The following CRY1 variants were observed in gnomAD, a reference collection of about 807,000 sequenced individuals.
CRY1 encodes the protein cryptochrome circadian regulator 1.
Under a neutral mutation model 76.0 loss-of-function variants are expected in CRY1, and 45 were observed. The observed-to-expected ratio is 0.59, with a 90% confidence interval of 0.47 to 0.76. The LOEUF (loss-of-function observed/expected upper bound fraction) is 0.76, where lower values mean the gene tolerates loss of function less well. Among genes scored for constraint, CRY1 ranks in the 30% least tolerant of loss-of-function variants. CRY1 has a pLI of 0.00. For missense variants in CRY1, 587 were observed against 716.4 expected, an observed-to-expected ratio of 0.82 and a Z score of 2.06; for synonymous variants, 248 against 244.0, an observed-to-expected ratio of 1.02 and a Z score of -0.15.
chr12:107,059,159 T>G (rs926591112), intron 1 of CRY1, among the ~76,000 whole-genome samples: 4 of 152,244 alleles, frequency 2.6e-5, no homozygotes, highest in Non-Finnish European at 5.9e-5. Flanking sequence ...TATGACATAA[T>G]GTGCCTAATA....
At chr12:107,085,316 T>C (rs1953384143) in intron 1 of CRY1, among the ~76,000 whole-genome samples, 1 of 152,226 alleles carries the variant, frequency 6.6e-6, no homozygotes, top group Non-Finnish European at 1.5e-5. Context: ...TTACTGGGTA[T>C]ATACCCAAAG....
At chr12:106,999,527 T>C (rs781714704) in intron 7 of CRY1, 24 bp downstream of exon 7, 1 of 1,568,342 alleles carries the variant, frequency 6.4e-7, no homozygotes, top group Admixed American at 1.9e-5. Context: ...AAATAAGGCA[T>C]GCTATATCAG....
chr12:107,022,538 T>C (rs148495635), intron 1 of CRY1, among the ~76,000 whole-genome samples: 1 of 152,010 alleles, frequency 6.6e-6, no homozygotes, highest in Non-Finnish European at 1.5e-5. Context: ...TGTATGAAAA[T>C]GGCTTTTCAT....
At chr12:107,078,493 C>T (rs538768886) in intron 1 of CRY1, among the ~76,000 whole-genome samples, 1 of 152,252 alleles carries the variant, frequency 6.6e-6, no homozygotes, top group South Asian at 2.1e-4. Flanking sequence ...TCACCAGCTC[C>T]TATTCATCTT....
At chr12:107,077,774 T>C (rs955906323) in intron 1 of CRY1, among the ~76,000 whole-genome samples, 1 of 152,050 alleles carries the variant, frequency 6.6e-6, no homozygotes, top group Non-Finnish European at 1.5e-5. Flanking sequence ...ATTTCTTACC[T>C]CTCTCATAAA....
intron 1 of CRY1, among the ~76,000 whole-genome samples, chr12:107,061,675 C>T (rs565248547): frequency 3.3e-5 from 5 of 152,280 alleles, no homozygotes. Context: ...AGCCACTGCG[C>T]CCGGCCCCTA....
At chr12:107,010,543 C>T (rs752594304) in intron 2 of CRY1, among the ~76,000 whole-genome samples, 2 of 152,198 alleles carry the variant, frequency 1.3e-5, no homozygotes, top group Non-Finnish European at 2.9e-5. Flanking sequence ...CTCTGTGTCA[C>T]ATTTTATCAA....
chr12:107,086,841 G>A (rs910245632), intron 1 of CRY1, among the ~76,000 whole-genome samples: 21 of 152,224 alleles, frequency 1.4e-4, no homozygotes, highest in African/African-American at 4.3e-4. Flanking sequence ...GGGAAATATG[G>A]GGTTACAGTC....
At chr12:107,045,427 A>G (rs1952838289) in intron 1 of CRY1, among the ~76,000 whole-genome samples, 1 of 152,174 alleles carries the variant, frequency 6.6e-6, no homozygotes, top group African/African-American at 2.4e-5. Context: ...TGGGAGGCTG[A>G]AGTGGGTGGA....
chr12:107,093,042 A>G lies in CRY1; in HGVS notation c.-81T>C. The G allele has an allele frequency of 7.1e-7, 1 of 1,418,218 alleles. No individual in the cohort carries two copies. Among genetic ancestry groups the G allele is most frequent in the Non-Finnish European group, 9.2e-7 (1 of 1,084,656 alleles). 87.9% of individuals were successfully genotyped at this position (1,418,218 alleles called of 1,614,324 possible). ...CATAGCCGACACCTTCGCTTCCAAG[A>G]GAATTGCCTCACCCGGGGCGTGAGG... is the stretch of plus-strand genomic sequence containing the variant. On this transcript the variant is annotated 5_prime_UTR_variant, in exon 1 of 13. Coordinates refer to ENST00000008527, the MANE Select transcript of CRY1 (RefSeq NM_004075.5).
At chr12:107,061,524 C>A (rs897706855) in intron 1 of CRY1, among the ~76,000 whole-genome samples, 4 of 152,124 alleles carry the variant, frequency 2.6e-5, no homozygotes, top group Non-Finnish European at 4.4e-5. Flanking sequence ...GGATTACAGG[C>A]ATCCACCACC....
intron 7 of CRY1, among the ~76,000 whole-genome samples, chr12:106,998,605 TATGTTATATA>T (rs1952259890): frequency 6.6e-6 from 1 of 151,724 alleles, no homozygotes; most frequent in African/African-American, 2.4e-5. Flanking sequence ...ATTCATTAAG[TATGTTATATA>T]TTGTCTTTGT....
intron 1 of CRY1, among the ~76,000 whole-genome samples, chr12:107,088,056 T>G (rs1953424428): frequency 6.6e-6 from 1 of 151,966 alleles, no homozygotes; most frequent in Non-Finnish European, 1.5e-5. Flanking sequence ...AAAATAAAAA[T>G]AATAAATAAA....
chr12:107,069,610 A>G (rs1282714486), intron 1 of CRY1, among the ~76,000 whole-genome samples: 3 of 40,834 alleles, frequency 7.3e-5, no homozygotes, highest in Non-Finnish European at 2.3e-4. Flanking sequence ...AAGTATATAT[A>G]TAAAAAGTAT....
At chr12:106,993,172 C>T in intron 10 of CRY1, 136 bp from the exon 11 acceptor site, 1 of 801,116 alleles carries the variant, frequency 1.2e-6, no homozygotes, top group Non-Finnish European at 1.9e-6. Flanking sequence ...CTCAATCTTC[C>T]TATGAACCAA....
At chr12:107,006,638 C>CTT (rs1555275228) in intron 2 of CRY1, among the ~76,000 whole-genome samples, 62 of 137,108 alleles carry the variant, frequency 4.5e-4, no homozygotes, top group Admixed American at 1.4e-3. Context: ...TATTAGTAAT[C>CTT]TTTTTTTTTT....
intron 1 of CRY1, among the ~76,000 whole-genome samples, chr12:107,052,504 C>A (rs1952934932): frequency 6.6e-6 from 1 of 151,936 alleles, no homozygotes; most frequent in South Asian, 2.1e-4. Context: ...CAGAATAATA[C>A]AAAAACAGTA....
chr12:107,069,587 G>GTA lies in CRY1; in HGVS notation c.158+23215_158+23216dup, dbSNP rs1200353934. ...TATATATATAAAGTATATATATAAA[G>GTA]TATATATATATAAAGTATATATATA... On this transcript the variant is annotated intron_variant, in intron 1 of 12. Coordinates refer to ENST00000008527, the MANE Select transcript of CRY1 (RefSeq NM_004075.5). Among the ~76,000 whole-genome samples the GTA allele has an allele frequency of 9.9e-5, 4 of 40,414 alleles. No individual in the cohort carries two copies. In the East Asian group the frequency reaches 7.6e-3, roughly 77 times the overall value. 26.5% of individuals were successfully genotyped at this position (40,414 alleles called of 152,430 possible).
intron 1 of CRY1, among the ~76,000 whole-genome samples, chr12:107,065,895 C>T (rs533874080): frequency 1.3e-5 from 2 of 152,176 alleles, no homozygotes; most frequent in East Asian, 3.8e-4. Context: ...CAAGGAAGTA[C>T]ACATGCTCAA....
Sources: gnomAD v4.1 joint callset for allele counts (sites outside exome capture counted in the v4.1 genomes callset) on GRCh38, gnomAD v4.1.1 for gene constraint, MANE v1.5 for transcripts, NCBI Gene and HGNC (gene_info 2026-07-23, HGNC 2026-07-21) for gene names.